The following GNPTG variants were observed in gnomAD, a reference collection of about 807,000 sequenced individuals.
The protein encoded by GNPTG is N-acetylglucosamine-1-phosphotransferase subunit gamma.
Under a neutral mutation model 43.8 loss-of-function variants are expected in GNPTG, and 46 were observed. The observed-to-expected ratio is 1.05, with a 90% confidence interval of 0.83 to 1.34. The LOEUF (loss-of-function observed/expected upper bound fraction) is 1.34. GNPTG is among the 40% of genes most tolerant of loss of function. The probability of loss-of-function intolerance (pLI) is 0.00; values close to 1 mark genes in which losing one functional copy is unlikely to be tolerated. For missense variants in GNPTG, 549 were observed against 411.3 expected (o/e 1.33, Z -2.90); for synonymous variants, 250 against 172.8 (o/e 1.45, Z -3.50).
In GNPTG at chr16:1,356,307, C is replaced by T. The variant is rs551526082; in HGVS notation, c.178+4001C>T. ...GCCATGCAGGCCGTGAACACGGAGC[C>T]TGCAGGGGACGTGCGGGTGAAGCAG... On this transcript the variant is annotated intron_variant, in intron 3 of 10. Transcript: ENST00000204679. Among the ~76,000 whole-genome samples the T allele has an allele frequency of 2.6e-5, 4 of 152,274 alleles. No homozygotes were observed. The South Asian group carries it at 8.3e-4, about 32-fold the overall frequency.
chr16:1,362,449 C>T lies in GNPTG; in HGVS notation c.527-3C>T. On this transcript the variant is annotated splice_polypyrimidine_tract_variant and splice_region_variant and intron_variant, in intron 7 of 10. Transcript: ENST00000204679. Reference sequence around the variant, plus strand: ...CTGAGCCTGGCTTCTCTTGGGTCCTCAGTGTACCCAACCCTGCCAGAGGCC... The same window carrying T: ...CTGAGCCTGGCTTCTCTTGGGTCCTTAGTGTACCCAACCCTGCCAGAGGCC... The T allele has an allele frequency of 6.2e-7, 1 of 1,613,834 alleles. No homozygotes were observed. The highest frequency in any genetic ancestry group is 8.5e-7 in the Non-Finnish European group (1 of 1,179,920).
rs767895135 is a variant in GNPTG at position 1,361,744 on chromosome 16, A to C, written c.180A>C (p.Gly60=). 6.2e-7 allele frequency: 1 copy of C among 1,613,748 alleles called. No homozygotes were observed. The highest frequency in any genetic ancestry group is 8.5e-7 in the Non-Finnish European group (1 of 1,179,922). ...GGATCAGTGTGAGGTCTCTTCCAGG[A>C]CCCGTGCATCTCTTCCGACTCTCGG... ...QAKRDPSPVS[G]PVHLFRLSGK... Residue 60 remains glycine (G), a splice_region_variant and synonymous_variant, in exon 4 of 11, where the codon GGA becomes GGC. Coordinates refer to ENST00000204679, the MANE Select transcript of GNPTG (RefSeq NM_032520.5).
At chr16:1,356,152 G>C (rs958555299) in intron 3 of GNPTG, among the ~76,000 whole-genome samples, 1 of 152,142 alleles carries the variant, frequency 6.6e-6, no homozygotes, top group Non-Finnish European at 1.5e-5. Context: ...AAGCCTGACC[G>C]GGGCAGAGGG....
In GNPTG at chr16:1,364,111, C is replaced by A. The variant is rs951234534; in HGVS notation, c.*1020C>A. On this transcript the variant is annotated 3_prime_UTR_variant, in exon 11 of 11. Transcript: ENST00000204679. The stretch of plus-strand genomic sequence containing the variant: ...ACAAATAAAAACAGAGTTTACACAT[C>A]GATGACAGTAGCACAAAATATACGT... 6.6e-6 allele frequency: 1 copy of A among 152,202 alleles called. No individual in the cohort carries two copies. The highest frequency in any genetic ancestry group is 1.5e-5 in the Non-Finnish European group (1 of 68,030). 9.4% of individuals were successfully genotyped at this position (152,202 alleles called of 1,614,324 possible).
rs764162165 is a variant in GNPTG at position 1,362,331 on chromosome 16, G to A, written c.526+11G>A. On this transcript the variant is annotated intron_variant, in intron 7 of 10. Transcript: ENST00000204679. ...CCCACGCCTTGCTAGGTAGGGGTGCGGGACGCAGTTGAGCCCAGTGGGGTC... is the reference window on the plus strand; with the variant it reads ...CCCACGCCTTGCTAGGTAGGGGTGCAGGACGCAGTTGAGCCCAGTGGGGTC... 70 of 1,611,858 alleles carry A rather than the reference G, an allele frequency of 4.3e-5. No homozygotes were observed. The highest frequency in any genetic ancestry group is 6.7e-5 in the East Asian group (3 of 44,878).
rs1226037290 is a variant in GNPTG at position 1,363,539 on chromosome 16, G to A, written c.*448G>A. 1.2e-5 allele frequency: 3 copies of A among 250,574 alleles called. No individual in the cohort carries two copies. Among genetic ancestry groups the A allele is most frequent in the Non-Finnish European group, 1.6e-5 (2 of 125,464 alleles). 15.5% of individuals were successfully genotyped at this position (250,574 alleles called of 1,614,324 possible). ...TCGAACACTAGAGTTACAGACGACAGGCAACAAGAACATGCAGAGCCGGCC... is the reference window on the plus strand; with the variant it reads ...TCGAACACTAGAGTTACAGACGACAAGCAACAAGAACATGCAGAGCCGGCC... On this transcript the variant is annotated 3_prime_UTR_variant, in exon 11 of 11. Transcript: ENST00000204679.
rs371060844 is a variant in GNPTG at position 1,362,748 on chromosome 16, G to A, written c.741+6G>A. The A allele has an allele frequency of 1.2e-4, 200 of 1,613,962 alleles. 1 individual carries two copies. The African/African-American group carries it at 1.3e-3, about 10-fold the overall frequency. On this transcript the variant is annotated splice_donor_region_variant and intron_variant, in intron 9 of 10. Transcript: ENST00000204679. ...CCCTGGAAAACTGCAGGAAGGTACC[G>A]TATTGGGGGGAGGTGGTGGCACGCA... is the stretch of plus-strand genomic sequence containing the variant.
Position 1,362,881 on chromosome 16 carries a change from C to A in GNPTG, c.798C>A (p.His266Gln), listed in dbSNP as rs375787769. 22 of 1,613,900 alleles carry A rather than the reference C, an allele frequency of 1.4e-5. No homozygotes were observed. Among genetic ancestry groups the A allele is most frequent in the East Asian group, 2.2e-5 (1 of 44,888 alleles). ...IKRLKGLLTQ[H>Q]GIPYTRPTET... ...GGCTGAAAGGTTTGCTCACCCAGCA[C>A]GGCATCCCCTACACGAGGCCCACAG... The change falls in exon 10 of 11, where the codon CAC becomes CAA. Residue 266 changes from histidine (H) to glutamine (Q), a missense_variant. Transcript: ENST00000204679.
intron 3 of GNPTG, among the ~76,000 whole-genome samples, chr16:1,359,260 C>T (rs2034829834): frequency 6.6e-6 from 1 of 152,226 alleles, no homozygotes; most frequent in Middle Eastern, 3.4e-3. Flanking sequence ...TCTTTTCACT[C>T]CCTTGATGGG....
chr16:1,357,483 TTTATTATTA>T (rs113850025), intron 3 of GNPTG, among the ~76,000 whole-genome samples: 9 of 150,494 alleles, frequency 6.0e-5, no homozygotes, highest in African/African-American at 1.7e-4. Context: ...GTATTTCGAC[TTTATTATTA>T]TTATTATTAT....
chr16:1,361,394 C>T (rs979786225), intron 3 of GNPTG: 25 of 343,558 alleles, frequency 7.3e-5, no homozygotes, highest in Non-Finnish European at 1.1e-4. Flanking sequence ...CCTGTAATCC[C>T]AGCACTTTGG....
In GNPTG at chr16:1,363,302, CAAGTGTTAACTTT is replaced by C; in HGVS notation, c.*214_*226del. ...ATGCTATAGTGTAAAAAAATTTAAACAAGTGTTAACTTTAAACAGTTCGCTACAAGTAAATGAT... is the reference window on the plus strand; with the variant it reads ...ATGCTATAGTGTAAAAAAATTTAAACAAACAGTTCGCTACAAGTAAATGAT... On this transcript the variant is annotated 3_prime_UTR_variant, in exon 11 of 11. Transcript: ENST00000204679. The C allele has an allele frequency of 1.7e-6, 1 of 584,148 alleles. No individual in the cohort carries two copies. Among genetic ancestry groups the C allele is most frequent in the Non-Finnish European group, 3.1e-6 (1 of 326,688 alleles). 36.2% of individuals were successfully genotyped at this position (584,148 alleles called of 1,614,324 possible).
chr16:1,354,797 T>G (rs1469634016), intron 3 of GNPTG, among the ~76,000 whole-genome samples: 1 of 152,188 alleles, frequency 6.6e-6, no homozygotes, highest in Non-Finnish European at 1.5e-5. Context: ...CTTTTTGTTT[T>G]GTTGATGGTG....
At chr16:1,352,603 A>G (rs2034704306) in intron 3 of GNPTG, 1 of 433,730 alleles carries the variant, frequency 2.3e-6, no homozygotes, top group Non-Finnish European at 4.2e-6. Flanking sequence ...TGGAAAACGT[A>G]TAGTTTTTGT....
rs756686252 is a variant in GNPTG, at chr16:1,362,295, C to T, written c.501C>T (p.Leu167=). Residue 167 remains leucine (L), a synonymous_variant, in exon 7 of 11, where the codon CTC becomes CTT. Transcript: ENST00000204679. Reference sequence around the variant, plus strand: ...ACGCGCTGACGTTCGAGACCCCCCTCGTCTGCCACCCCCACGCCTTGCTAG... The same window carrying T: ...ACGCGCTGACGTTCGAGACCCCCCTTGTCTGCCACCCCCACGCCTTGCTAG... ...CVYALTFETP[L]VCHPHALLVY... 46 of 1,613,150 alleles carry T rather than the reference C, an allele frequency of 2.9e-5. No homozygotes were observed. The highest frequency in any genetic ancestry group is 8.9e-5 in the East Asian group (4 of 44,896).
At position 1,362,319 on chromosome 16, in the gene GNPTG, A is replaced by C. The variant is rs144136497; in HGVS notation, c.525A>C (p.Leu175=). 6.0e-5 allele frequency: 96 copies of C among 1,612,524 alleles called. No homozygotes were observed. The African/African-American group carries it at 1.1e-3, about 19-fold the overall frequency. The change falls in exon 7 of 11, where the codon CTA becomes CTC. Residue 175 remains leucine, a splice_region_variant and synonymous_variant. Transcript: ENST00000204679. ...TCGTCTGCCACCCCCACGCCTTGCT[A>C]GGTAGGGGTGCGGGACGCAGTTGAG... ...TPLVCHPHAL[L]VYPTLPEALQ...
rs189943800 is a variant in GNPTG, at chr16:1,352,503, C to T, written c.178+197C>T. 4.5e-3 allele frequency: 2,887 copies of T among 646,910 alleles called. 9 individuals are homozygous for T. Among genetic ancestry groups the T allele is most frequent in the South Asian group, 6.2e-3 (343 of 55,268 alleles). The allele number at this position is 646,910 out of a possible 1,614,324, so 40.1% of individuals were successfully genotyped here. A position where few individuals can be genotyped will look rare whatever the true frequency, so the allele number is the denominator to read the frequency against. The stretch of plus-strand genomic sequence containing the variant: ...AATTAAATTATCTCCAGACTTAGTC[C>T]TTCCTTTCCTTTCCGAGAGGTAACT... On this transcript the variant is annotated intron_variant, in intron 3 of 10. Transcript: ENST00000204679.
chr16:1,353,240 G>C (rs1056466233), intron 3 of GNPTG, among the ~76,000 whole-genome samples: 1 of 152,186 alleles, frequency 6.6e-6, no homozygotes, highest in Admixed American at 6.5e-5. Context: ...GCCTCCAAAA[G>C]TGCTGGGATT....
chr16:1,362,305 C>A lies in GNPTG; in HGVS notation c.511C>A (p.Pro171Thr). 1 of 1,613,184 alleles carries A rather than the reference C, an allele frequency of 6.2e-7. No homozygotes were observed. Among genetic ancestry groups the A allele is most frequent in the Non-Finnish European group, 8.5e-7 (1 of 1,179,926 alleles). Residue 171 changes from proline (P) to threonine (T), a missense_variant, in exon 7 of 11, where the codon CCC (proline) becomes ACC (threonine). Physicochemically the swap from Pro to Thr is conservative, Grantham distance 38. Transcript: ENST00000204679. ...LTFETPLVCH[P>T]HALLVYPTLP... ...GTTCGAGACCCCCCTCGTCTGCCACCCCCACGCCTTGCTAGGTAGGGGTGC... is the reference window on the plus strand; with the variant it reads ...GTTCGAGACCCCCCTCGTCTGCCACACCCACGCCTTGCTAGGTAGGGGTGC...
Sources: gnomAD v4.1 joint callset for allele counts (sites outside exome capture counted in the v4.1 genomes callset) on GRCh38, gnomAD v4.1.1 for gene constraint, MANE v1.5 for transcripts, NCBI Gene and HGNC (gene_info 2026-07-23, HGNC 2026-07-21) for gene names.